TMEM135: variants seen among roughly 807,000 people sequenced by gnomAD.
TMEM135 encodes the protein peroxisomal membrane protein 52.
TMEM135 carries 30 observed loss-of-function variants against 60.3 expected under a neutral mutation model. That is an observed-to-expected ratio of 0.50 (90% confidence interval 0.37 to 0.68). The LOEUF (loss-of-function observed/expected upper bound fraction) is 0.68. TMEM135 is among the 30% of genes least tolerant of loss of function. TMEM135 has a pLI of 0.00. For synonymous variants in TMEM135, 190 were observed against 186.7 expected (o/e 1.02, Z -0.14); for missense variants, 468 against 548.8 (o/e 0.85, Z 1.47).
chr11:87,088,122 G>A (rs1857135435), intron 3 of TMEM135, among the ~76,000 whole-genome samples: 1 of 152,024 alleles, frequency 6.6e-6, no homozygotes, highest in Non-Finnish European at 1.5e-5. Context: ...CTCTTCTTGA[G>A]GTGTCAAGAT....
At chr11:87,297,505 A>G (rs1258447460) in intron 7 of TMEM135, among the ~76,000 whole-genome samples, 1 of 152,240 alleles carries the variant, frequency 6.6e-6, no homozygotes, top group Non-Finnish European at 1.5e-5. Context: ...AGCATTTGGT[A>G]TTAAGTTTAA....
In TMEM135 at chr11:87,226,740, GA is replaced by G. The variant is rs143356309; in HGVS notation, c.463-9896del. Among the ~76,000 whole-genome samples, 312 of 152,272 alleles carry G rather than the reference GA, an allele frequency of 2.0e-3. 6 individuals carry two copies. The highest frequency in any genetic ancestry group is 7.1e-3 in the African/African-American group (293 of 41,554). ...TTGCCAGACTCTGTTTAGTGGCCTT[GA>G]AGGTATAAATCAAGAATGGTTGCCT... is the stretch of plus-strand genomic sequence containing the variant. On this transcript the variant is annotated intron_variant, in intron 5 of 14. Transcript: ENST00000305494.
intron 3 of TMEM135, among the ~76,000 whole-genome samples, chr11:87,088,970 G>C (rs1387890019): frequency 6.6e-6 from 1 of 152,114 alleles, no homozygotes; most frequent in Non-Finnish European, 1.5e-5. Context: ...CACAAACTTT[G>C]TTTCATGCAC....
chr11:87,241,584 A>C (rs1208210473), intron 6 of TMEM135, among the ~76,000 whole-genome samples: 2 of 152,106 alleles, frequency 1.3e-5, no homozygotes, highest in Non-Finnish European at 2.9e-5. Flanking sequence ...TTGTGCTATC[A>C]AATAGTAGTT....
At chr11:87,314,251 C>G (rs1942688147) in intron 11 of TMEM135, among the ~76,000 whole-genome samples, 1 of 151,790 alleles carries the variant, frequency 6.6e-6, no homozygotes. Flanking sequence ...ATACATAAAT[C>G]AGAACTGTTT....
chr11:87,250,707 T>TA (rs1251172474), intron 6 of TMEM135, among the ~76,000 whole-genome samples: 17 of 152,122 alleles, frequency 1.1e-4, no homozygotes, highest in Non-Finnish European at 2.1e-4. Context: ...AGGTTCTTTT[T>TA]AAAAAAATAT....
chr11:87,275,979 C>T (rs1001239979), intron 6 of TMEM135, among the ~76,000 whole-genome samples: 1 of 152,106 alleles, frequency 6.6e-6, no homozygotes, highest in Admixed American at 6.5e-5. Flanking sequence ...TGGATTTTAA[C>T]ATTGTCCTTC....
In TMEM135 at chr11:87,326,556, AAGG is replaced by A; in HGVS notation, c.*5225_*5227del. 2.2e-6 allele frequency: 1 copy of A among 454,086 alleles called. No homozygotes were observed. Among genetic ancestry groups the A allele is most frequent in the South Asian group, 1.6e-5 (1 of 64,474 alleles). The allele number at this position is 454,086 out of a possible 1,614,324, so 28.1% of individuals were successfully genotyped here. On this transcript the variant is annotated 3_prime_UTR_variant, in exon 15 of 15. Transcript: ENST00000305494. The stretch of plus-strand genomic sequence containing the variant: ...TGGTCATTATGGGATTGGATGCCAA[AAGG>A]AATGGGAGAGAAGAGACTATAAACA...
chr11:87,233,894 A>C (rs2135370549), intron 5 of TMEM135, among the ~76,000 whole-genome samples: 1 of 152,238 alleles, frequency 6.6e-6, no homozygotes, highest in Non-Finnish European at 1.5e-5. Flanking sequence ...CTGTAATTTC[A>C]AACACAGAGG....
chr11:87,046,336 A>G (rs1323752404), intron 1 of TMEM135, among the ~76,000 whole-genome samples: 1 of 152,176 alleles, frequency 6.6e-6, no homozygotes, highest in East Asian at 1.9e-4. Context: ...GCGAGTGGAG[A>G]TCTCAGCTCC....
intron 1 of TMEM135, among the ~76,000 whole-genome samples, chr11:87,041,599 A>G (rs1949750694): frequency 6.6e-6 from 1 of 152,162 alleles, no homozygotes; most frequent in Admixed American, 6.6e-5. Context: ...AGATGATTGT[A>G]CCCATTTTTT....
At chr11:87,169,976 T>C (rs1441187256) in intron 5 of TMEM135, among the ~76,000 whole-genome samples, 3 of 152,220 alleles carry the variant, frequency 2.0e-5, no homozygotes, top group African/African-American at 7.2e-5. Flanking sequence ...TAGTCCCATA[T>C]TTCTTGGAGG....
chr11:87,061,055 GA>G (rs1949941909), intron 1 of TMEM135, among the ~76,000 whole-genome samples: 1 of 152,152 alleles, frequency 6.6e-6, no homozygotes, highest in African/African-American at 2.4e-5. Flanking sequence ...ATTTTTCATA[GA>G]AATAGTTGTG....
intron 4 of TMEM135, among the ~76,000 whole-genome samples, chr11:87,108,635 GTTAT>G (rs1219602568): frequency 6.6e-6 from 1 of 152,002 alleles, no homozygotes; most frequent in Non-Finnish European, 1.5e-5. Flanking sequence ...CATTAGATTT[GTTAT>G]TTGAAATCTT....
intron 2 of TMEM135, among the ~76,000 whole-genome samples, chr11:87,068,974 A>C (rs1016400166): frequency 1.3e-5 from 2 of 151,964 alleles, no homozygotes; most frequent in African/African-American, 4.8e-5. Flanking sequence ...ATGAAAATCT[A>C]TGTAAGGAAC....
At chr11:87,206,405 G>A (rs1171695505) in intron 5 of TMEM135, among the ~76,000 whole-genome samples, 1 of 151,840 alleles carries the variant, frequency 6.6e-6, no homozygotes, top group Non-Finnish European at 1.5e-5. Context: ...GGCAAATGAT[G>A]GTACATGTAA....
intron 6 of TMEM135, among the ~76,000 whole-genome samples, chr11:87,247,575 C>G (rs1050664443): frequency 1.3e-5 from 2 of 152,186 alleles, no homozygotes; most frequent in African/African-American, 2.4e-5. Context: ...ACCCCTCCCC[C>G]AGCCTCGCTG....
intron 12 of TMEM135, among the ~76,000 whole-genome samples, chr11:87,315,950 C>G (rs1380961512): frequency 6.6e-6 from 1 of 152,052 alleles, no homozygotes; most frequent in East Asian, 1.9e-4. Flanking sequence ...TCTTTGATAG[C>G]TTTCTTGCTG....
At chr11:87,297,086 A>C (rs550678608) in intron 7 of TMEM135, among the ~76,000 whole-genome samples, 2 of 152,278 alleles carry the variant, frequency 1.3e-5, no homozygotes, top group South Asian at 4.1e-4. Flanking sequence ...GACACTGAAA[A>C]AGAGAGAACC....
Sources: gnomAD v4.1 joint callset for allele counts (sites outside exome capture counted in the v4.1 genomes callset) on GRCh38, gnomAD v4.1.1 for gene constraint, MANE v1.5 for transcripts, NCBI Gene and HGNC (gene_info 2026-07-23, HGNC 2026-07-21) for gene names.